Variants in NBN observed in about 807,000 individuals in gnomAD.
The protein encoded by NBN is nibrin.
In NBN, 88 loss-of-function variants were observed where a neutral mutation model predicts 90.8. The ratio of observed to expected loss-of-function variants is 0.97; its 90% CI spans 0.82 to 1.16. The LOEUF is 1.16. NBN is among the 50% of genes most tolerant of loss of function. The probability of loss-of-function intolerance (pLI) is 0.00; values close to 1 mark genes in which losing one functional copy is unlikely to be tolerated. For missense variants in NBN, 894 were observed against 869.6 expected, an observed-to-expected ratio of 1.03 and a Z score of -0.35; for synonymous variants, 328 against 295.1, an observed-to-expected ratio of 1.11 and a Z score of -1.14.
intron 14 of NBN, among the ~76,000 whole-genome samples, chr8:89,939,295 T>G (rs1185582368): frequency 1.3e-5 from 2 of 152,170 alleles, no homozygotes; most frequent in East Asian, 1.9e-4. Context: ...TTTACATAAA[T>G]AAGCAGTAGC....
chr8:89,949,353 A>G (rs1586046006), intron 11 of NBN, among the ~76,000 whole-genome samples: 1 of 152,336 alleles, frequency 6.6e-6, no homozygotes, highest in East Asian at 1.9e-4. Flanking sequence ...ACTACAGGGT[A>G]CTGGAAAATG....
intron 8 of NBN, 133 bp from the exon 9 acceptor site, chr8:89,958,987 T>A: frequency 8.4e-7 from 1 of 1,192,658 alleles, no homozygotes; most frequent in Non-Finnish European, 1.2e-6. Flanking sequence ...TTTTCTCCAA[T>A]GAGTGGTACC....
At chr8:89,944,312 G>C (rs1006327827) in intron 13 of NBN, among the ~76,000 whole-genome samples, 2 of 152,182 alleles carry the variant, frequency 1.3e-5, no homozygotes, top group Non-Finnish European at 2.9e-5. Flanking sequence ...AACTTCCCTA[G>C]TATCTAAAGT....
intron 1 of NBN, 76 bp downstream of exon 1, chr8:89,984,449 G>C (rs1200780952): frequency 7.2e-7 from 1 of 1,395,254 alleles, no homozygotes; most frequent in East Asian, 2.4e-5. Flanking sequence ...ACGCGACGCA[G>C]GAATCACCCG....
At chr8:89,948,933 A>G (rs549207954) in intron 11 of NBN, among the ~76,000 whole-genome samples, 5 of 152,150 alleles carry the variant, frequency 3.3e-5, no homozygotes, top group African/African-American at 1.2e-4. Flanking sequence ...TGATTTTCCA[A>G]CTCAGAGAAT....
At chr8:89,961,407 T>TG (rs1810666411) in intron 8 of NBN, among the ~76,000 whole-genome samples, 1 of 152,180 alleles carries the variant, frequency 6.6e-6, no homozygotes. Flanking sequence ...TGGAAACAAC[T>TG]GGTTATATCC....
intron 5 of NBN, among the ~76,000 whole-genome samples, chr8:89,977,723 G>A (rs376083865): frequency 1.3e-5 from 2 of 152,168 alleles, no homozygotes; most frequent in Admixed American, 6.5e-5. Context: ...CCACAGCCTC[G>A]CCAGCATCTG....
intron 5 of NBN, among the ~76,000 whole-genome samples, chr8:89,975,960 C>T (rs918094843): frequency 6.6e-6 from 1 of 152,140 alleles, no homozygotes; most frequent in Non-Finnish European, 1.5e-5. Context: ...AAATACTATG[C>T]AAGTTTGTAG....
chr8:89,950,880 G>C (rs1213420115), intron 11 of NBN, among the ~76,000 whole-genome samples: 1 of 152,116 alleles, frequency 6.6e-6, no homozygotes, highest in Non-Finnish European at 1.5e-5. Context: ...AGAATGTGCA[G>C]TGAAAGTAGG....
At chr8:89,946,362 TG>T (rs1810194303) in intron 12 of NBN, 67 bp from the exon 13 acceptor site, 1 of 1,408,700 alleles carries the variant, frequency 7.1e-7, no homozygotes, top group African/African-American at 1.4e-5. Flanking sequence ...ACTTGTCATT[TG>T]GGAATCTATA....
At chr8:89,940,689 G>A (rs1809899858) in intron 14 of NBN, among the ~76,000 whole-genome samples, 1 of 147,870 alleles carries the variant, frequency 6.8e-6, no homozygotes, top group Non-Finnish European at 1.5e-5. Context: ...CTAATCTGCA[G>A]GAAATAATAA....
At chr8:89,982,949 T>C (rs1563585224) in intron 1 of NBN, 94 bp from the exon 2 acceptor site, 1 of 1,257,898 alleles carries the variant, frequency 7.9e-7, no homozygotes, top group East Asian at 2.5e-5. Context: ...ATGATATAGG[T>C]ATGACAAATA....
intron 4 of NBN, among the ~76,000 whole-genome samples, chr8:89,978,720 T>C (rs192193474): frequency 6.6e-6 from 1 of 152,288 alleles, no homozygotes; most frequent in Admixed American, 6.5e-5. Flanking sequence ...GAAGACAATA[T>C]TAGGAGATGA....
In NBN at chr8:89,970,547, A is replaced by G. The variant is rs1358736677; in HGVS notation, c.713T>C (p.Leu238Ser). 1.2e-6 allele frequency: 2 copies of G among 1,613,408 alleles called. No individual in the cohort carries two copies. The highest frequency in any genetic ancestry group is 1.3e-5 in the African/African-American group (1 of 75,014). ...ACCTCCAAAGACAACTGCGGAACTC[A>G]ATTTCTTATGCTAAAAATGGAAGGA... ...IFLNAKQHKKLSSAVVFGGGE... is the reference protein window; with the variant it reads ...IFLNAKQHKKSSSAVVFGGGE... Residue 238 changes from leucine to serine, a missense_variant, in exon 7 of 16, where the codon TTG (leucine) becomes TCG (serine). Transcript: ENST00000265433.
Position 89,955,562 on chromosome 8 carries a change from A to T in NBN, c.1125-7T>A. 1 of 1,611,862 alleles carries T rather than the reference A, an allele frequency of 6.2e-7. No individual in the cohort carries two copies. The highest frequency in any genetic ancestry group is 8.5e-7 in the Non-Finnish European group (1 of 1,179,264). ...TGGCCTTTCACTCAAATCCCTGTAG[A>T]AAAAGAAAAGAATGCAAGGTAAATA... On this transcript the variant is annotated splice_region_variant and splice_polypyrimidine_tract_variant and intron_variant, in intron 9 of 15. Coordinates refer to ENST00000265433, the MANE Select transcript of NBN (RefSeq NM_002485.5).
At chr8:89,951,311 C>CAAA (rs71268296) in intron 11 of NBN, among the ~76,000 whole-genome samples, 18,082 of 67,864 alleles carry the variant, frequency 0.27, 2,274 homozygotes, top group East Asian at 0.41. Context: ...GACTCTGTCT[C>CAAA]AAAAAAAAAA....
Position 89,971,283 on chromosome 8 carries a change from G to A in NBN, c.592C>T (p.Pro198Ser), listed in dbSNP as rs1554564306. 2 of 1,610,284 alleles carry A rather than the reference G, an allele frequency of 1.2e-6. No homozygotes were observed. The highest frequency in any genetic ancestry group is 2.2e-5 in the East Asian group (1 of 44,716). Reference sequence around the variant, plus strand: ...CCAATAGATGGTTCATCAAGAGGTGGGTAAAAACTGTAAAAATAATTAAAG... The same window carrying A: ...CCAATAGATGGTTCATCAAGAGGTGAGTAAAAACTGTAAAAATAATTAAAG... ...KQPPQIESFYPPLDEPSIGSK... is the reference protein window; with the variant it reads ...KQPPQIESFYSPLDEPSIGSK... The change falls in exon 6 of 16, where the codon CCA becomes TCA. Residue 198 changes from proline to serine, a missense_variant. Transcript: ENST00000265433.
chr8:89,965,498 T>A (rs945413742), intron 7 of NBN, among the ~76,000 whole-genome samples: 1 of 152,068 alleles, frequency 6.6e-6, no homozygotes, highest in Non-Finnish European at 1.5e-5. Context: ...GATTTTTTTT[T>A]TTTTTTCTGA....
At chr8:89,977,318 G>A (rs1811810874) in intron 5 of NBN, among the ~76,000 whole-genome samples, 1 of 152,054 alleles carries the variant, frequency 6.6e-6, no homozygotes, top group Non-Finnish European at 1.5e-5. Flanking sequence ...AGAACATACG[G>A]TGTTTGGTTT....
Sources: gnomAD v4.1 joint callset for allele counts (sites outside exome capture counted in the v4.1 genomes callset) on GRCh38, gnomAD v4.1.1 for gene constraint, MANE v1.5 for transcripts, NCBI Gene and HGNC (gene_info 2026-07-23, HGNC 2026-07-21) for gene names.